The following TTC23 variants were observed in gnomAD, a reference collection of about 807,000 sequenced individuals.
The protein encoded by TTC23 is tetratricopeptide repeat domain 23.
Under a neutral mutation model 55.1 loss-of-function variants are expected in TTC23, and 58 were observed. The observed-to-expected ratio is 1.05, with a 90% CI of 0.85 to 1.31. TTC23 has a LOEUF of 1.31. TTC23 is among the 50% of genes most tolerant of loss of function. The pLI, the probability that TTC23 is intolerant of heterozygous loss-of-function variation, is 0.00. For missense variants in TTC23, 516 were observed against 534.4 expected, an observed-to-expected ratio of 0.97 and a Z score of 0.34; for synonymous variants, 203 against 199.9, an observed-to-expected ratio of 1.02 and a Z score of -0.13.
chr15:99,218,364 A>T (rs146658423), intron 8 of TTC23, among the ~76,000 whole-genome samples: 181 of 152,148 alleles, frequency 1.2e-3, no homozygotes, highest in African/African-American at 3.5e-3. Context: ...AATGATCAGA[A>T]CTCTGGGACC....
chr15:99,192,256 G>C (rs957074192), intron 9 of TTC23, among the ~76,000 whole-genome samples: 8 of 152,130 alleles, frequency 5.3e-5, no homozygotes, highest in Non-Finnish European at 7.4e-5. Context: ...TGCAGGTAAT[G>C]AGGAGTGAAT....
Position 99,210,631 on chromosome 15 carries a change from G to T in TTC23, c.581+7957C>A, listed in dbSNP as rs535206022. 2.6e-5 allele frequency among the ~76,000 whole-genome samples: 4 copies of T among 152,324 alleles called. No homozygotes were observed. The South Asian group carries it at 8.3e-4, about 32-fold the overall frequency. ...TGTAAGAGCCTTTATGTCCAAAAGA[G>T]AGAAGCAGAGAAAATGCAACTTAGA... On this transcript the variant is annotated intron_variant, in intron 8 of 13. Transcript: ENST00000394132.
intron 8 of TTC23, among the ~76,000 whole-genome samples, chr15:99,213,383 C>G (rs185891780): frequency 9.8e-4 from 150 of 152,306 alleles, no homozygotes; most frequent in African/African-American, 3.5e-3. Context: ...TGTACAGGGC[C>G]CGCCATCTGC....
intron 10 of TTC23, among the ~76,000 whole-genome samples, chr15:99,173,611 A>G (rs898431410): frequency 6.6e-6 from 1 of 152,160 alleles, no homozygotes; most frequent in African/African-American, 2.4e-5. Context: ...TAATTAAAAA[A>G]AAATTGAAGA....
At chr15:99,177,499 T>C (rs1038814188) in intron 9 of TTC23, among the ~76,000 whole-genome samples, 1 of 152,126 alleles carries the variant, frequency 6.6e-6, no homozygotes, top group African/African-American at 2.4e-5. Context: ...ATTGCTTGTG[T>C]AGTGTTTGGA....
At chr15:99,201,521 A>AT (rs751203419) in intron 8 of TTC23, among the ~76,000 whole-genome samples, 3 of 152,140 alleles carry the variant, frequency 2.0e-5, no homozygotes, top group Non-Finnish European at 2.9e-5. Context: ...TTTCACACCT[A>AT]TTTTTGCTCT....
rs754942989 is a variant in TTC23, at chr15:99,221,790, T to C, written c.255A>G (p.Lys85=). 1 of 1,614,146 alleles carries C rather than the reference T, an allele frequency of 6.2e-7. No individual in the cohort carries two copies. Among genetic ancestry groups the C allele is most frequent in the Non-Finnish European group, 8.5e-7 (1 of 1,180,020 alleles). ...TRICYGDSHW[K]LAEAHVNLAQ... ...CCAGATTAACATGTGCCTCTGCTAGTTTCCAATGTGAGTCTCCATAGCAAA... is the reference window on the plus strand; with the variant it reads ...CCAGATTAACATGTGCCTCTGCTAGCTTCCAATGTGAGTCTCCATAGCAAA... Residue 85 remains lysine, a synonymous_variant, in exon 6 of 14, where the codon AAA becomes AAG. Transcript: ENST00000394132.
At chr15:99,148,319 A>C (rs8040884) in intron 12 of TTC23, among the ~76,000 whole-genome samples, 45,531 of 131,490 alleles carry the variant, frequency 0.35, 8,771 homozygotes, top group African/African-American at 0.56. Context: ...CGAGATCGCG[A>C]CACTGCACTC....
At chr15:99,209,325 A>G (rs952548727) in intron 8 of TTC23, among the ~76,000 whole-genome samples, 2 of 152,224 alleles carry the variant, frequency 1.3e-5, no homozygotes, top group Admixed American at 6.5e-5. Context: ...ATCCCAAAAG[A>G]TAACAAATGG....
At chr15:99,186,233 A>T in intron 9 of TTC23, among the ~76,000 whole-genome samples, 1 of 152,360 alleles carries the variant, frequency 6.6e-6, no homozygotes, top group East Asian at 1.9e-4. Context: ...TATGAAGTGC[A>T]TGGAATATTT....
At chr15:99,150,808 C>T (rs1293267870) in intron 12 of TTC23, among the ~76,000 whole-genome samples, 5 of 152,182 alleles carry the variant, frequency 3.3e-5, no homozygotes, top group Non-Finnish European at 7.3e-5. Context: ...GTCTCAGCCC[C>T]TTCACCTGGC....
chr15:99,204,023 G>T (rs1397950282), intron 8 of TTC23, among the ~76,000 whole-genome samples: 1 of 152,076 alleles, frequency 6.6e-6, no homozygotes, highest in Non-Finnish European at 1.5e-5. Context: ...TAATGAGATG[G>T]CTGGATCATA....
chr15:99,186,860 G>GA (rs2074714590), intron 9 of TTC23, among the ~76,000 whole-genome samples: 1 of 152,064 alleles, frequency 6.6e-6, no homozygotes, highest in African/African-American at 2.4e-5. Context: ...ATATTGTTAA[G>GA]ATGTCAATAC....
At chr15:99,187,591 G>A (rs1222082542) in intron 9 of TTC23, among the ~76,000 whole-genome samples, 1 of 151,712 alleles carries the variant, frequency 6.6e-6, no homozygotes, top group Non-Finnish European at 1.5e-5. Context: ...TCACAGATAA[G>A]GCTCTAGTAT....
chr15:99,169,399 G>A (rs2072603187), intron 10 of TTC23, among the ~76,000 whole-genome samples: 1 of 152,176 alleles, frequency 6.6e-6, no homozygotes, highest in South Asian at 2.1e-4. Flanking sequence ...GAGGCATCAT[G>A]AGAGAGGTAG....
At chr15:99,170,158 C>A (rs1390866920) in intron 10 of TTC23, among the ~76,000 whole-genome samples, 1 of 152,126 alleles carries the variant, frequency 6.6e-6, no homozygotes, top group Non-Finnish European at 1.5e-5. Flanking sequence ...ATTCCAGGAG[C>A]CTGAATTGGG....
At chr15:99,244,415 GC>G (rs1008274795) in intron 2 of TTC23, among the ~76,000 whole-genome samples, 1 of 151,078 alleles carries the variant, frequency 6.6e-6, no homozygotes, top group East Asian at 1.9e-4. Context: ...CAAATAAATC[GC>G]CCCCCCCAAT....
rs369025962 is a variant in TTC23 at position 99,218,570 on chromosome 15, C to G, written c.581+18G>C. ...CCTCCCGCCATCATGTATGCAAAAT[C>G]CTAAACTTGAAACTTACTGTGCAAA... On this transcript the variant is annotated intron_variant, in intron 8 of 13. Transcript: ENST00000394132. 75 of 1,613,936 alleles carry G rather than the reference C, an allele frequency of 4.6e-5. No individual in the cohort carries two copies. Among genetic ancestry groups the G allele is most frequent in the Non-Finnish European group, 5.9e-5 (70 of 1,179,988 alleles).
intron 4 of TTC23, among the ~76,000 whole-genome samples, chr15:99,233,845 G>C (rs1421448952): frequency 1.3e-5 from 2 of 152,132 alleles, no homozygotes; most frequent in African/African-American, 4.8e-5. Context: ...ACAAGCAATG[G>C]AACAGAATGG....
Sources: allele counts gnomAD v4.1 joint callset (sites outside exome capture counted in the v4.1 genomes callset), GRCh38; gene constraint gnomAD v4.1.1; transcripts MANE v1.5; gene names NCBI Gene and HGNC (gene_info 2026-07-23, HGNC 2026-07-21).